CCDC3: variants seen among roughly 807,000 people sequenced by gnomAD.
CCDC3 encodes coiled-coil domain-containing protein 3.
In CCDC3, 24 loss-of-function variants were observed where a neutral mutation model predicts 21.4. That is an observed-to-expected ratio of 1.12 (90% CI 0.81 to 1.58). The LOEUF is 1.58. Ranked by LOEUF, CCDC3 falls within the 40% of genes most tolerant of loss-of-function variation. CCDC3 has a pLI of 0.00. For synonymous variants in CCDC3, 186 were observed against 166.0 expected (o/e 1.12, Z -0.93); for missense variants, 425 against 360.9 (o/e 1.18, Z -1.44).
intron 2 of CCDC3, among the ~76,000 whole-genome samples, chr10:12,951,826 A>AAAAAAAAAAAT (rs1835013497): frequency 6.6e-6 from 1 of 151,244 alleles, no homozygotes; most frequent in Non-Finnish European, 1.5e-5. Flanking sequence ...AAAAAAAAAA[A>AAAAAAAAAAAT]AGTTGTTCTT....
chr10:12,928,317 A>G (rs1564287292), intron 2 of CCDC3, among the ~76,000 whole-genome samples: 1 of 152,240 alleles, frequency 6.6e-6, no homozygotes, highest in Non-Finnish European at 1.5e-5. Context: ...CCCCAGGCAC[A>G]AGAGAGAAGA....
At chr10:12,936,213 TCA>T (rs1834735307) in intron 2 of CCDC3, among the ~76,000 whole-genome samples, 1 of 152,226 alleles carries the variant, frequency 6.6e-6, no homozygotes, top group African/African-American at 2.4e-5. Flanking sequence ...AAGGATAATT[TCA>T]CAGTGTACAG....
At chr10:13,035,368 A>AAAAAT (rs1234167653) in intron 5 of CCDC3, among the ~76,000 whole-genome samples, 2 of 152,338 alleles carry the variant, frequency 1.3e-5, no homozygotes, top group Admixed American at 6.5e-5. Flanking sequence ...ATTAGAGACC[A>AAAAAT]AAAATAAAAT....
In CCDC3 at chr10:13,001,533, G is replaced by T; in HGVS notation, c.38C>A (p.Ala13Glu). 1.6e-6 allele frequency: 2 copies of T among 1,286,126 alleles called. No homozygotes were observed. Among genetic ancestry groups the T allele is most frequent in the Middle Eastern group, 3.0e-4 (1 of 3,378 alleles). The allele number at this position is 1,286,126 out of a possible 1,614,324, so 79.7% of individuals were successfully genotyped here. ...GGCGCGCGCGGGCGCTGGGGGACCC[G>T]CCAGGCAGAGCGCGGCGAGCAGCAG... ...RQLLLAALCLAGPPAPARACQ... is the reference protein window; with the variant it reads ...RQLLLAALCLEGPPAPARACQ... Residue 13 changes from alanine to glutamate, a missense_variant, in exon 1 of 3, where the codon GCG becomes GAG. By Grantham distance (107) the Ala-to-Glu change is moderately radical. Coordinates refer to ENST00000378825, the MANE Select transcript of CCDC3 (RefSeq NM_031455.4).
chr10:13,081,319 A>G (rs1837037116), intron 3 of CCDC3, among the ~76,000 whole-genome samples: 1 of 152,156 alleles, frequency 6.6e-6, no homozygotes, highest in Admixed American at 6.5e-5. Context: ...TAGCACAGGT[A>G]CCACCCCTAG....
intron 2 of CCDC3, among the ~76,000 whole-genome samples, chr10:12,901,914 A>C (rs1834099389): frequency 6.6e-6 from 1 of 152,114 alleles, no homozygotes; most frequent in Admixed American, 6.5e-5. Context: ...TCCCGCCTGG[A>C]GCACTGTTCT....
At chr10:12,949,401 G>A (rs894819225) in intron 2 of CCDC3, among the ~76,000 whole-genome samples, 10 of 152,190 alleles carry the variant, frequency 6.6e-5, no homozygotes, top group African/African-American at 1.9e-4. Flanking sequence ...GAATGCAGAC[G>A]TGATATGGCT....
intron 3 of CCDC3, among the ~76,000 whole-genome samples, chr10:13,077,893 A>C (rs1836985864): frequency 6.6e-6 from 1 of 152,244 alleles, no homozygotes; most frequent in Admixed American, 6.5e-5. Flanking sequence ...TTAGACCTAA[A>C]ACCATAAAAA....
chr10:12,916,170 A>C (rs979897770), intron 2 of CCDC3, among the ~76,000 whole-genome samples: 4 of 152,312 alleles, frequency 2.6e-5, no homozygotes. Context: ...GCAGTGGTTC[A>C]CGCCTGAAGT....
At chr10:13,090,104 T>G (rs1832547172) in intron 3 of CCDC3, among the ~76,000 whole-genome samples, 1 of 147,786 alleles carries the variant, frequency 6.8e-6, no homozygotes, top group Admixed American at 6.7e-5. Context: ...TTTTTTTTTT[T>G]TTTGTGTCAG....
chr10:13,033,000 T>G (rs1429838008), intron 5 of CCDC3, among the ~76,000 whole-genome samples: 1 of 152,190 alleles, frequency 6.6e-6, no homozygotes, highest in Non-Finnish European at 1.5e-5. Flanking sequence ...ACTTTAAAGT[T>G]CATATGGAAC....
intron 5 of CCDC3, among the ~76,000 whole-genome samples, chr10:13,025,921 C>T (rs761382551): frequency 9.2e-5 from 14 of 152,216 alleles, no homozygotes; most frequent in Non-Finnish European, 1.8e-4. Flanking sequence ...TGGCTCACGC[C>T]TGTAATCCCA....
At chr10:13,012,013 G>A (rs1835989533) in intron 5 of CCDC3, among the ~76,000 whole-genome samples, 1 of 151,410 alleles carries the variant, frequency 6.6e-6, no homozygotes, top group Non-Finnish European at 1.5e-5. Context: ...GATTGAAACT[G>A]GACCCCTTCC....
chr10:13,037,117 A>G (rs1459877564), intron 5 of CCDC3, among the ~76,000 whole-genome samples: 1 of 152,116 alleles, frequency 6.6e-6, no homozygotes, highest in African/African-American at 2.4e-5. Flanking sequence ...TTATCACATA[A>G]CTAATTCCCA....
intron 5 of CCDC3, among the ~76,000 whole-genome samples, chr10:13,016,060 A>G (rs1013459807): frequency 8.6e-5 from 13 of 152,008 alleles, no homozygotes; most frequent in Non-Finnish European, 1.5e-5. Context: ...CATGTAATCC[A>G]TAAATATATA....
intron 5 of CCDC3, among the ~76,000 whole-genome samples, chr10:13,023,846 A>G (rs535273563): frequency 1.8e-4 from 28 of 152,296 alleles, no homozygotes; most frequent in African/African-American, 4.1e-4. Flanking sequence ...AAGATGTGTG[A>G]ACTAAAGAGG....
chr10:12,949,431 A>G (rs1028749501), intron 2 of CCDC3, among the ~76,000 whole-genome samples: 2 of 152,186 alleles, frequency 1.3e-5, no homozygotes, highest in African/African-American at 4.8e-5. Context: ...ATCTTGGACC[A>G]GGAGTTGAAC....
intron 2 of CCDC3, among the ~76,000 whole-genome samples, chr10:12,910,893 C>A: frequency 6.6e-6 from 1 of 152,266 alleles, no homozygotes; most frequent in Admixed American, 6.5e-5. Context: ...CAGAGCCCGG[C>A]CAAGGGCAAA....
intron 4 of CCDC3, among the ~76,000 whole-genome samples, chr10:13,069,634 A>T (rs1406072554): frequency 1.3e-5 from 2 of 152,232 alleles, no homozygotes; most frequent in Non-Finnish European, 1.5e-5. Flanking sequence ...TATCCAAAAG[A>T]GAGGTGAACA....
Sources: gnomAD v4.1 joint callset for allele counts (sites outside exome capture counted in the v4.1 genomes callset) on GRCh38, gnomAD v4.1.1 for gene constraint, MANE v1.5 for transcripts, NCBI Gene and HGNC (gene_info 2026-07-23, HGNC 2026-07-21) for gene names.